The following ZNF140 variants were observed in gnomAD, a reference collection of about 807,000 sequenced individuals.
The protein encoded by ZNF140 is zinc finger protein 140 (clone pHZ-39).
Under a neutral mutation model 12.9 loss-of-function variants are expected in ZNF140, and 13 were observed. The ratio of observed to expected loss-of-function variants is 1.01; its 90% CI spans 0.66 to 1.60. The LOEUF (loss-of-function observed/expected upper bound fraction) is 1.60, where lower values mean the gene tolerates loss of function less well. Ranked by LOEUF, ZNF140 falls within the 40% of genes most tolerant of loss-of-function variation. ZNF140 has a pLI of 0.00. For synonymous variants in ZNF140, 214 were observed against 186.7 expected (o/e 1.15, Z -1.19); for missense variants, 531 against 548.8 (o/e 0.97, Z 0.32).
At chr12:133,093,514 C>T in intron 4 of ZNF140, 1 of 697,562 alleles carries the variant, frequency 1.4e-6, no homozygotes, top group Non-Finnish European at 2.6e-6. Flanking sequence ...TTGTAAGTAT[C>T]CAAACTGGAA....
chr12:133,104,422 G>T (rs1377778434), intron 4 of ZNF140, among the ~76,000 whole-genome samples: 1 of 151,510 alleles, frequency 6.6e-6, no homozygotes, highest in Admixed American at 6.6e-5. Flanking sequence ...CGCAATCTCG[G>T]TTCACCGCAA....
At chr12:133,083,300 G>A in intron 3 of ZNF140, 71 bp downstream of exon 3, 1 of 1,558,132 alleles carries the variant, frequency 6.4e-7, no homozygotes, top group Non-Finnish European at 8.7e-7. Context: ...TTATCTGGCT[G>A]AATATTCCCA....
At chr12:133,083,648 G>C in intron 4 of ZNF140, 87 bp downstream of exon 4, 1 of 1,328,048 alleles carries the variant, frequency 7.5e-7, no homozygotes, top group Non-Finnish European at 1.1e-6. Flanking sequence ...ATGTTGATTG[G>C]AAAATTTTCC....
At chr12:133,101,478 T>C (rs1161383642) in intron 4 of ZNF140, among the ~76,000 whole-genome samples, 4 of 151,904 alleles carry the variant, frequency 2.6e-5, no homozygotes, top group African/African-American at 9.6e-5. Context: ...GGAGTCTCGC[T>C]CTGTCACCCA....
Position 133,106,194 on chromosome 12 carries a change from G to T in ZNF140, c.917G>T (p.Cys306Phe). Residue 306 changes from cysteine to phenylalanine, a missense_variant, in exon 5 of 5, where the codon TGT (cysteine) becomes TTT (phenylalanine). By Grantham distance (205) the Cys-to-Phe change is radical (BLOSUM62 -2). Coordinates refer to ENST00000355557, the MANE Select transcript of ZNF140 (RefSeq NM_003440.4). ...TGEKPYECIECGKAFRRFSHL... is the reference protein window; with the variant it reads ...TGEKPYECIEFGKAFRRFSHL... Reference sequence around the variant, plus strand: ...GAGAAACCTTATGAATGCATTGAATGTGGGAAGGCATTTCGCCGTTTCTCA... The same window carrying T: ...GAGAAACCTTATGAATGCATTGAATTTGGGAAGGCATTTCGCCGTTTCTCA... 1.4e-5 allele frequency: 22 copies of T among 1,614,206 alleles called. No individual in the cohort carries two copies. The highest frequency in any genetic ancestry group is 1.8e-5 in the Non-Finnish European group (21 of 1,180,030).
chr12:133,089,949 A>T (rs1279044544), intron 4 of ZNF140, among the ~76,000 whole-genome samples: 1 of 151,626 alleles, frequency 6.6e-6, no homozygotes, highest in Non-Finnish European at 1.5e-5. Context: ...TCCCGGGTTC[A>T]AGCGATTCTT....
At chr12:133,081,521 G>A (rs914299139) in intron 2 of ZNF140, 192 bp downstream of exon 2, 9 of 457,650 alleles carry the variant, frequency 2.0e-5, no homozygotes, top group South Asian at 1.4e-4. Context: ...AAGTGCAGCC[G>A]TGTTTTTCAG....
At chr12:133,088,764 C>T (rs973452627) in intron 4 of ZNF140, among the ~76,000 whole-genome samples, 65 of 152,128 alleles carry the variant, frequency 4.3e-4, no homozygotes, top group African/African-American at 1.1e-3. Context: ...TTTTTTATCA[C>T]GATTGGTTGT....
Position 133,087,650 on chromosome 12 carries a change from C to T in ZNF140, c.232+4089C>T, listed in dbSNP as rs372112673. On this transcript the variant is annotated intron_variant, in intron 4 of 4. Coordinates refer to ENST00000355557, the MANE Select transcript of ZNF140 (RefSeq NM_003440.4). ...ATTTCTAACAAATGACCAGATGATGCTGATGCTGAACTAAAGTAGACATTT... is the reference window on the plus strand; with the variant it reads ...ATTTCTAACAAATGACCAGATGATGTTGATGCTGAACTAAAGTAGACATTT... Among the ~76,000 whole-genome samples the T allele has an allele frequency of 1.4e-4, 22 of 152,200 alleles. 1 individual carries two copies. In the South Asian group the frequency reaches 2.5e-3, roughly 17 times the overall value.
chr12:133,085,914 G>C (rs1954659034), intron 4 of ZNF140, among the ~76,000 whole-genome samples: 1 of 152,206 alleles, frequency 6.6e-6, no homozygotes, highest in Non-Finnish European at 1.5e-5. Flanking sequence ...AGCTACTTGA[G>C]AGGTTGAGGT....
At chr12:133,091,156 A>T (rs1193305523) in intron 4 of ZNF140, among the ~76,000 whole-genome samples, 1 of 150,106 alleles carries the variant, frequency 6.7e-6, no homozygotes, top group Non-Finnish European at 1.5e-5. Context: ...TCATCCCACG[A>T]GGCCATATTT....
intron 4 of ZNF140, 56 bp downstream of exon 4, chr12:133,083,617 G>GA (rs1954574023): frequency 2.7e-6 from 4 of 1,497,530 alleles, no homozygotes; most frequent in Non-Finnish European, 3.7e-6. Flanking sequence ...ATTAGTCAAT[G>GA]AAAAAGGAAT....
At chr12:133,104,976 A>G (rs1299880497) in intron 4 of ZNF140, among the ~76,000 whole-genome samples, 1 of 152,158 alleles carries the variant, frequency 6.6e-6, no homozygotes, top group African/African-American at 2.4e-5. Context: ...TAGGTCCCAG[A>G]AAAGACATAA....
intron 4 of ZNF140, among the ~76,000 whole-genome samples, chr12:133,092,729 G>A (rs905151806): frequency 2.6e-5 from 4 of 151,146 alleles, no homozygotes; most frequent in South Asian, 2.1e-4. Flanking sequence ...ATCATAGGCC[G>A]GATTAGTGGG....
intron 2 of ZNF140, 35 bp downstream of exon 2, chr12:133,081,364 TATATATAAA>T: frequency 3.7e-6 from 1 of 268,658 alleles, no homozygotes; most frequent in South Asian, 7.4e-5. Flanking sequence ...TATATATATA[TATATATAAA>T]TTTTTATTTT....
At chr12:133,091,005 T>C (rs1047264749) in intron 4 of ZNF140, among the ~76,000 whole-genome samples, 3 of 149,182 alleles carry the variant, frequency 2.0e-5, no homozygotes, top group Non-Finnish European at 4.5e-5. Context: ...TCGGGTTTTA[T>C]ACCGAGACAT....
At chr12:133,091,204 T>C (rs7962619) in intron 4 of ZNF140, among the ~76,000 whole-genome samples, 1,493 of 149,296 alleles carry the variant, frequency 0.01, 68 homozygotes, top group African/African-American at 0.022. Flanking sequence ...GACAATACCC[T>C]GCTTTCAAGG....
At chr12:133,090,641 G>A (rs925430348) in intron 4 of ZNF140, among the ~76,000 whole-genome samples, 1 of 120,456 alleles carries the variant, frequency 8.3e-6, no homozygotes, top group Non-Finnish European at 1.9e-5. Flanking sequence ...AGAAACAACA[G>A]TGGGCCCAGG....
chr12:133,090,969 T>C (rs1179060856), intron 4 of ZNF140, among the ~76,000 whole-genome samples: 2 of 148,008 alleles, frequency 1.4e-5, no homozygotes, highest in African/African-American at 2.5e-5. Context: ...GTTTTGCTAC[T>C]ATCTCAGAAT....
Sources: gnomAD v4.1 joint callset for allele counts (sites outside exome capture counted in the v4.1 genomes callset) on GRCh38, gnomAD v4.1.1 for gene constraint, MANE v1.5 for transcripts, NCBI Gene and HGNC (gene_info 2026-07-23, HGNC 2026-07-21) for gene names.